Variants in EIF4G3 observed in about 807,000 individuals in gnomAD.
The protein encoded by EIF4G3 is eIF-4-gamma 3.
A neutral mutation model predicts 186.4 loss-of-function variants in EIF4G3; 34 were observed. The observed-to-expected ratio is 0.18, with a 90% CI of 0.14 to 0.24. The LOEUF (loss-of-function observed/expected upper bound fraction) is 0.24. Ranked by LOEUF, EIF4G3 falls within the 10% of genes least tolerant of loss-of-function variation. The probability of loss-of-function intolerance (pLI) is 1.00; values close to 1 mark genes in which losing one functional copy is unlikely to be tolerated. For missense variants in EIF4G3, 1,536 were observed against 1,948.5 expected, an observed-to-expected ratio of 0.79 and a Z score of 3.99; for synonymous variants, 673 against 679.5, an observed-to-expected ratio of 0.99 and a Z score of 0.15.
intron 3 of EIF4G3, among the ~76,000 whole-genome samples, chr1:21,076,940 G>A (rs1222320721): frequency 1.3e-5 from 2 of 152,066 alleles, no homozygotes; most frequent in Non-Finnish European, 2.9e-5. Flanking sequence ...CTAGAGAAGT[G>A]GGATTATATC....
At chr1:20,875,705 A>C (rs1419929638) in intron 20 of EIF4G3, among the ~76,000 whole-genome samples, 1 of 152,196 alleles carries the variant, frequency 6.6e-6, no homozygotes, top group African/African-American at 2.4e-5. Context: ...TGAGCCCAGG[A>C]GTTTACGACC....
intron 12 of EIF4G3, among the ~76,000 whole-genome samples, chr1:20,955,164 C>T (rs2096373740): frequency 6.6e-6 from 1 of 152,092 alleles, no homozygotes; most frequent in Non-Finnish European, 1.5e-5. Flanking sequence ...GGTCTTTATC[C>T]CCATAGCAAT....
intron 3 of EIF4G3, among the ~76,000 whole-genome samples, chr1:21,067,219 G>C (rs938361001): frequency 2.1e-5 from 3 of 140,436 alleles, no homozygotes; most frequent in African/African-American, 8.0e-5. Flanking sequence ...TGCAACCTCT[G>C]CTTCTGGGGT....
chr1:20,941,350 C>A (rs1182575548), intron 14 of EIF4G3, 141 bp downstream of exon 14: 2 of 1,585,896 alleles, frequency 1.3e-6, no homozygotes, highest in South Asian at 2.3e-5. Context: ...CACAAACACA[C>A]CACTGAAGAA....
At chr1:21,077,401 G>GAA (rs751211348) in intron 3 of EIF4G3, among the ~76,000 whole-genome samples, 7 of 98,802 alleles carry the variant, frequency 7.1e-5, no homozygotes, top group Middle Eastern at 5.5e-3. Context: ...GCCCTGTCTA[G>GAA]AAAAAAAAAA....
intron 2 of EIF4G3, among the ~76,000 whole-genome samples, chr1:21,118,795 A>G (rs1268449678): frequency 2.6e-5 from 4 of 151,666 alleles, no homozygotes; most frequent in African/African-American, 7.3e-5. Context: ...CAAAAAAAAA[A>G]AAAAAAGAAA....
At chr1:20,841,074 T>C (rs1241819815) in intron 29 of EIF4G3, 46 bp from the exon 30 acceptor site, 3 of 1,587,938 alleles carry the variant, frequency 1.9e-6, no homozygotes, top group Admixed American at 1.8e-5. Context: ...CTGAATAGTG[T>C]TACCAGAATG....
intron 4 of EIF4G3, among the ~76,000 whole-genome samples, chr1:21,029,789 A>G (rs1323423267): frequency 2.6e-5 from 4 of 152,240 alleles, no homozygotes; most frequent in African/African-American, 4.8e-5. Flanking sequence ...TGAAATAGGT[A>G]TAACAGGACT....
intron 7 of EIF4G3, among the ~76,000 whole-genome samples, chr1:20,986,490 C>G (rs943321851): frequency 6.6e-6 from 1 of 152,064 alleles, no homozygotes; most frequent in African/African-American, 2.4e-5. Context: ...GCCATCATTT[C>G]AGATTGTACC....
chr1:21,007,777 A>C (rs2085698330), intron 4 of EIF4G3, among the ~76,000 whole-genome samples: 2 of 152,088 alleles, frequency 1.3e-5, no homozygotes, highest in Admixed American at 1.3e-4. Flanking sequence ...TACACACAAC[A>C]ACCAAGGAAG....
intron 3 of EIF4G3, among the ~76,000 whole-genome samples, chr1:21,078,428 G>A (rs2095656407): frequency 6.6e-6 from 1 of 152,204 alleles, no homozygotes; most frequent in Non-Finnish European, 1.5e-5. Flanking sequence ...AGAGTAGAAT[G>A]ATGGTTACCA....
At chr1:20,868,090 C>CTTTTTTTCTTTTTTTTTT (rs71585790) in intron 20 of EIF4G3, among the ~76,000 whole-genome samples, 3 of 90,416 alleles carry the variant, frequency 3.3e-5, no homozygotes, top group African/African-American at 1.2e-4. Flanking sequence ...TGGTGATTTT[C>CTTTTTTTCTTTTTTTTTT]TTTTTTTTTT....
At chr1:21,101,759 ATATTT>A (rs2096532891) in intron 2 of EIF4G3, among the ~76,000 whole-genome samples, 1 of 152,042 alleles carries the variant, frequency 6.6e-6, no homozygotes, top group African/African-American at 2.4e-5. Context: ...TGTTATTATT[ATATTT>A]ATTACATCAT....
chr1:20,820,973 T>C (rs2062200428), intron 33 of EIF4G3, among the ~76,000 whole-genome samples: 1 of 152,126 alleles, frequency 6.6e-6, no homozygotes. Flanking sequence ...TACCCACTCC[T>C]CTGAGCTGTT....
chr1:20,965,001 C>T (rs1306315062), intron 12 of EIF4G3, among the ~76,000 whole-genome samples: 1 of 152,194 alleles, frequency 6.6e-6, no homozygotes, highest in African/African-American at 2.4e-5. Flanking sequence ...CAGAGCTCCC[C>T]TATCAGCCTC....
intron 4 of EIF4G3, among the ~76,000 whole-genome samples, chr1:21,003,172 T>C (rs1414467427): frequency 5.9e-5 from 5 of 84,622 alleles, no homozygotes; most frequent in Admixed American, 2.4e-4. Context: ...AATTTTTTTC[T>C]TTTTTTTTTT....
intron 4 of EIF4G3, among the ~76,000 whole-genome samples, chr1:21,007,619 G>T (rs937946595): frequency 6.8e-6 from 1 of 147,438 alleles, no homozygotes; most frequent in Admixed American, 7.0e-5. Flanking sequence ...GTCACTGAGA[G>T]AATTTAGAAT....
intron 14 of EIF4G3, among the ~76,000 whole-genome samples, chr1:20,909,512 T>C (rs948926089): frequency 6.6e-5 from 10 of 152,152 alleles, no homozygotes; most frequent in African/African-American, 1.2e-4. Context: ...TTATAAAGTA[T>C]AGACAGATAT....
intron 14 of EIF4G3, among the ~76,000 whole-genome samples, chr1:20,914,901 T>C (rs939140159): frequency 6.6e-6 from 1 of 152,250 alleles, no homozygotes; most frequent in Non-Finnish European, 1.5e-5. Flanking sequence ...TATCTACTGT[T>C]TGAATGTTTA....
Sources: allele counts gnomAD v4.1 joint callset (sites outside exome capture counted in the v4.1 genomes callset), GRCh38; gene constraint gnomAD v4.1.1; transcripts MANE v1.5; gene names NCBI Gene and HGNC (gene_info 2026-07-23, HGNC 2026-07-21).